Variants in PPM1E observed in about 807,000 individuals in gnomAD.
PPM1E encodes protein phosphatase, Mg2+/Mn2+ dependent 1E.
Under a neutral mutation model 65.9 loss-of-function variants are expected in PPM1E, and 20 were observed. That is an observed-to-expected ratio of 0.30 (90% CI 0.21 to 0.44). The LOEUF (loss-of-function observed/expected upper bound fraction) is 0.44. Ranked by LOEUF, PPM1E falls within the 20% of genes least tolerant of loss-of-function variation. PPM1E has a pLI of 1.00. For synonymous variants in PPM1E, 352 were observed against 374.9 expected (o/e 0.94, Z 0.70); for missense variants, 713 against 953.1 (o/e 0.75, Z 3.32).
chr17:58,923,389 G>A (rs1206351789), intron 1 of PPM1E, among the ~76,000 whole-genome samples: 1 of 152,108 alleles, frequency 6.6e-6, no homozygotes, highest in East Asian at 1.9e-4. Flanking sequence ...GAAGCTGGAG[G>A]ATCACTTGAG....
At chr17:58,883,404 C>A (rs2143399670) in intron 1 of PPM1E, among the ~76,000 whole-genome samples, 1 of 145,054 alleles carries the variant, frequency 6.9e-6, no homozygotes, top group South Asian at 2.2e-4. Context: ...AGATTGCTTT[C>A]TTTTCTTTTG....
chr17:58,781,617 T>G (rs570617754), intron 1 of PPM1E, among the ~76,000 whole-genome samples: 22 of 152,136 alleles, frequency 1.4e-4, no homozygotes, highest in Non-Finnish European at 2.9e-4. Context: ...ATGATTTTTT[T>G]GGGGCCAGGC....
intron 1 of PPM1E, among the ~76,000 whole-genome samples, chr17:58,917,711 CATT>C (rs1271735772): frequency 6.6e-6 from 1 of 152,182 alleles, no homozygotes; most frequent in Non-Finnish European, 1.5e-5. Context: ...TTCTTCTCCT[CATT>C]ATTAGAATAG....
At position 58,969,389 on chromosome 17, in the gene PPM1E, C is replaced by T. The variant is rs138459505; in HGVS notation, c.784-150C>T. On this transcript the variant is annotated intron_variant, in intron 3 of 6. Transcript: ENST00000308249. ...GCAGGTATTTCAGCAGTTGATCAGGCATGTTAGAGAAGGAAAACATTTAGT... is the reference window on the plus strand; with the variant it reads ...GCAGGTATTTCAGCAGTTGATCAGGTATGTTAGAGAAGGAAAACATTTAGT... 1.8e-4 allele frequency: 140 copies of T among 779,790 alleles called. No homozygotes were observed. In the African/African-American group the frequency reaches 2.2e-3, roughly 12 times the overall value. The allele number at this position is 779,790 out of a possible 1,614,324, so 48.3% of individuals were successfully genotyped here.
At chr17:58,931,391 AAAGG>A (rs549021240) in intron 1 of PPM1E, among the ~76,000 whole-genome samples, 22 of 151,664 alleles carry the variant, frequency 1.5e-4, no homozygotes, top group Admixed American at 5.9e-4. Context: ...CATCACAAAA[AAAGG>A]AAGGAAGGAA....
At chr17:58,849,484 T>C (rs1166428102) in intron 1 of PPM1E, among the ~76,000 whole-genome samples, 2 of 152,244 alleles carry the variant, frequency 1.3e-5, no homozygotes, top group African/African-American at 2.4e-5. Flanking sequence ...TTTGTTCTCA[T>C]TGGTTTCAAA....
chr17:58,845,346 C>T (rs1008839227), intron 1 of PPM1E, among the ~76,000 whole-genome samples: 42 of 146,924 alleles, frequency 2.9e-4, no homozygotes, highest in Admixed American at 1.0e-3. Context: ...ATACACATAA[C>T]GAAATGTTCT....
rs146859192 is a variant in PPM1E at position 58,802,494 on chromosome 17, T to C, written c.464+46033T>C. Among the ~76,000 whole-genome samples, 5 of 152,304 alleles carry C rather than the reference T, an allele frequency of 3.3e-5. No individual in the cohort carries two copies. The East Asian group carries it at 7.7e-4, about 24-fold the overall frequency. On this transcript the variant is annotated intron_variant, in intron 1 of 6. Transcript: ENST00000308249. ...GCCTCCAGCTTTGTTCTTCTTTCTC[T>C]AGATTGCTTTAGCTACTCGGGATCT...
chr17:58,770,558 AT>A (rs1357419942), intron 1 of PPM1E, among the ~76,000 whole-genome samples: 3 of 152,142 alleles, frequency 2.0e-5, no homozygotes, highest in African/African-American at 7.2e-5. Context: ...AGTAAAATAT[AT>A]TGATTATCAA....
chr17:58,887,162 C>CTTTTTTTTTT, intron 1 of PPM1E, among the ~76,000 whole-genome samples: 1 of 111,698 alleles, frequency 9.0e-6, no homozygotes, highest in Non-Finnish European at 1.8e-5. Flanking sequence ...AGGCCTTCTT[C>CTTTTTTTTTT]TTTTTTTTTT....
intron 1 of PPM1E, among the ~76,000 whole-genome samples, chr17:58,766,626 C>T (rs2049882575): frequency 6.6e-6 from 1 of 151,984 alleles, no homozygotes; most frequent in Non-Finnish European, 1.5e-5. Context: ...CACACACACA[C>T]ACACACAGTA....
At chr17:58,828,482 A>G (rs11870601) in intron 1 of PPM1E, among the ~76,000 whole-genome samples, 96,743 of 151,816 alleles carry the variant, frequency 0.64, 31,190 homozygotes, top group African/African-American at 0.71. Flanking sequence ...TTGTTTTTTT[A>G]AGATGGAGTT....
chr17:58,766,280 C>A (rs2049877588), intron 1 of PPM1E, among the ~76,000 whole-genome samples: 1 of 144,866 alleles, frequency 6.9e-6, no homozygotes, highest in Non-Finnish European at 1.5e-5. Context: ...CGGCTCACTG[C>A]AACCTCCGCC....
chr17:58,822,342 A>G (rs1293070423), intron 1 of PPM1E, among the ~76,000 whole-genome samples: 1 of 145,662 alleles, frequency 6.9e-6, no homozygotes, highest in Non-Finnish European at 1.5e-5. Context: ...TTATTTATTT[A>G]TTTATTTATT....
chr17:58,787,793 G>C (rs1234905356), intron 1 of PPM1E, among the ~76,000 whole-genome samples: 1 of 151,494 alleles, frequency 6.6e-6, no homozygotes, highest in Admixed American at 6.6e-5. Context: ...TGTAGTCCCA[G>C]CTACTCGGGA....
intron 1 of PPM1E, among the ~76,000 whole-genome samples, chr17:58,830,275 CTG>C (rs1267483275): frequency 1.4e-5 from 2 of 141,454 alleles, no homozygotes; most frequent in Non-Finnish European, 3.1e-5. Flanking sequence ...TCAGCTTTCA[CTG>C]TTGTTGTTGT....
intron 1 of PPM1E, among the ~76,000 whole-genome samples, chr17:58,898,978 G>A (rs912526641): frequency 1.3e-5 from 2 of 150,640 alleles, no homozygotes; most frequent in Admixed American, 1.3e-4. Flanking sequence ...TGGACACAGG[G>A]CGAGGAACAT....
intron 1 of PPM1E, among the ~76,000 whole-genome samples, chr17:58,763,383 A>G (rs2049842281): frequency 6.6e-6 from 1 of 152,020 alleles, no homozygotes. Context: ...ACTTCTGTTC[A>G]TTTTCCATTG....
chr17:58,887,347 A>G (rs935301097), intron 1 of PPM1E, among the ~76,000 whole-genome samples: 6 of 151,968 alleles, frequency 3.9e-5, no homozygotes, highest in African/African-American at 1.5e-4. Context: ...TTGTATTTTT[A>G]GTAGAGACGG....
Sources: allele counts gnomAD v4.1 joint callset (sites outside exome capture counted in the v4.1 genomes callset), GRCh38; gene constraint gnomAD v4.1.1; transcripts MANE v1.5; gene names NCBI Gene and HGNC (gene_info 2026-07-23, HGNC 2026-07-21).